The following CMSS1 variants were observed in gnomAD, a reference collection of about 807,000 sequenced individuals.
CMSS1 encodes cms1 ribosomal small subunit homolog, also known as protein CMSS1.
A neutral mutation model predicts 43.5 loss-of-function variants in CMSS1; 33 were observed. That is an observed-to-expected ratio of 0.76 (90% CI 0.57 to 1.01). The LOEUF (loss-of-function observed/expected upper bound fraction) is 1.01, where lower values mean the gene tolerates loss of function less well. CMSS1 is among the 50% of genes least tolerant of loss of function. The pLI, the probability that CMSS1 is intolerant of heterozygous loss-of-function variation, is 0.00. For synonymous variants in CMSS1, 115 were observed against 117.2 expected, an observed-to-expected ratio of 0.98 and a Z score of 0.12; for missense variants, 313 against 326.4, an observed-to-expected ratio of 0.96 and a Z score of 0.32.
At chr3:100,153,365 A>G (rs2066939137) in intron 2 of CMSS1, among the ~76,000 whole-genome samples, 1 of 152,222 alleles carries the variant, frequency 6.6e-6, no homozygotes, top group Non-Finnish European at 1.5e-5. Context: ...CCTCCATGTC[A>G]GTGTATAGTA....
At chr3:100,023,651 T>G (rs991466147) in intron 1 of CMSS1, 8 of 150,466 alleles carry the variant, frequency 5.3e-5, no homozygotes, top group African/African-American at 2.0e-4. Context: ...GAAGAATCTC[T>G]AATTAGGTAA....
intron 1 of CMSS1, among the ~76,000 whole-genome samples, chr3:99,832,444 A>G (rs1942706493): frequency 6.8e-6 from 1 of 147,544 alleles, no homozygotes; most frequent in African/African-American, 2.5e-5. Context: ...GTTAGCCAGG[A>G]TGATCTCGAT....
chr3:100,054,688 C>T (rs2065434693), intron 1 of CMSS1, among the ~76,000 whole-genome samples: 1 of 152,122 alleles, frequency 6.6e-6, no homozygotes, highest in Non-Finnish European at 1.5e-5. Flanking sequence ...GGGCAGATCA[C>T]TGATTTCCCT....
chr3:99,881,178 T>C lies in CMSS1; in HGVS notation c.64+63135T>C, dbSNP rs369982213. Among the ~76,000 whole-genome samples, 6 of 152,316 alleles carry C rather than the reference T, an allele frequency of 3.9e-5. No homozygotes were observed. The East Asian group carries it at 9.6e-4, about 24-fold the overall frequency. On this transcript the variant is annotated intron_variant, in intron 1 of 9. Coordinates refer to ENST00000421999, the MANE Select transcript of CMSS1 (RefSeq NM_032359.4). ...AGTTGGCTATGGACTCTAGTGAGCA[T>C]ACTAGTAGGTAAGTAGAATGACTTA... is the stretch of plus-strand genomic sequence containing the variant.
At chr3:100,132,308 C>A (rs1246309687) in intron 1 of CMSS1, among the ~76,000 whole-genome samples, 1 of 152,044 alleles carries the variant, frequency 6.6e-6, no homozygotes, top group Admixed American at 6.6e-5. Flanking sequence ...GAGGCTGAGG[C>A]AGGAGGATAA....
intron 1 of CMSS1, among the ~76,000 whole-genome samples, chr3:100,122,190 C>G (rs947563958): frequency 1.3e-5 from 2 of 152,230 alleles, no homozygotes; most frequent in African/African-American, 4.8e-5. Flanking sequence ...AGAAAGACTG[C>G]TGTTCATGCT....
intron 2 of CMSS1, among the ~76,000 whole-genome samples, chr3:100,149,705 G>A (rs1285914594): frequency 6.6e-6 from 1 of 152,138 alleles, no homozygotes. Flanking sequence ...ATCCCCAGGA[G>A]ACTCACCTCG....
At chr3:100,074,279 C>T (rs2065811326) in intron 1 of CMSS1, among the ~76,000 whole-genome samples, 1 of 152,188 alleles carries the variant, frequency 6.6e-6, no homozygotes, top group Non-Finnish European at 1.5e-5. Context: ...CCCAGGCCAG[C>T]TCCAAAATGC....
chr3:99,843,333 G>A (rs895580526), intron 1 of CMSS1, among the ~76,000 whole-genome samples: 2 of 152,128 alleles, frequency 1.3e-5, no homozygotes, highest in Non-Finnish European at 2.9e-5. Flanking sequence ...TTATAAAACC[G>A]GGAATCTTCC....
chr3:100,167,923 G>A, intron 6 of CMSS1, 83 bp downstream of exon 6: 2 of 904,608 alleles, frequency 2.2e-6, no homozygotes, highest in Non-Finnish European at 1.7e-6. Flanking sequence ...ATGTGCTGGA[G>A]ATGTAGCAAT....
chr3:99,997,707 T>G (rs2107153351), intron 1 of CMSS1, among the ~76,000 whole-genome samples: 1 of 152,298 alleles, frequency 6.6e-6, no homozygotes, highest in Middle Eastern at 3.4e-3. Flanking sequence ...AGCAGATTTA[T>G]TAGTAGTTTA....
chr3:100,172,242 A>C, intron 7 of CMSS1, 74 bp from the exon 8 acceptor site: 1 of 1,311,572 alleles, frequency 7.6e-7, no homozygotes. Context: ...TTTGAGATAA[A>C]ATGTTCTAAA....
intron 1 of CMSS1, among the ~76,000 whole-genome samples, chr3:99,906,904 G>A (rs1706635511): frequency 6.6e-6 from 1 of 152,216 alleles, no homozygotes; most frequent in East Asian, 1.9e-4. Flanking sequence ...ATATGGTAGA[G>A]TTTCAGTATT....
rs898757892 is a variant in CMSS1 at position 100,092,419 on chromosome 3, G to A, written c.65-54554G>A. ...TAATAAGATTTGTTTTGAGTGAGAA[G>A]TTTGGCTTTTTTTTAACATGGAAAA... On this transcript the variant is annotated intron_variant, in intron 1 of 9. Transcript: ENST00000421999. Among the ~76,000 whole-genome samples the A allele has an allele frequency of 3.9e-5, 6 of 152,046 alleles. No individual in the cohort carries two copies. In the East Asian group the frequency reaches 1.2e-3, roughly 29 times the overall value.
At chr3:99,921,319 T>G (rs1361877622) in intron 1 of CMSS1, among the ~76,000 whole-genome samples, 1 of 152,174 alleles carries the variant, frequency 6.6e-6, no homozygotes, top group Non-Finnish European at 1.5e-5. Context: ...ACTTCCTGTT[T>G]CGTTAGATGG....
chr3:100,179,245 A>G lies in CMSS1; in HGVS notation c.*857A>G, dbSNP rs1360484234. The G allele has an allele frequency of 6.6e-6, 1 of 152,206 alleles. No individual in the cohort carries two copies. Among genetic ancestry groups the G allele is most frequent in the Non-Finnish European group, 1.5e-5 (1 of 68,048 alleles). 9.4% of individuals were successfully genotyped at this position (152,206 alleles called of 1,614,324 possible). On this transcript the variant is annotated 3_prime_UTR_variant, in exon 10 of 10. Transcript: ENST00000421999. ...GTCAATTCCACCCCGGCCTCTTCCA[A>G]ATTTCATGTTCTTCTCACATTTCAA... is the stretch of plus-strand genomic sequence containing the variant.
intron 1 of CMSS1, among the ~76,000 whole-genome samples, chr3:99,958,203 C>CACTATT: frequency 7.5e-6 from 1 of 132,708 alleles, no homozygotes; most frequent in African/African-American, 2.8e-5. Flanking sequence ...GCCCTGCATG[C>CACTATT]ATTATTATTA....
At chr3:99,918,545 A>G (rs758961254) in intron 1 of CMSS1, among the ~76,000 whole-genome samples, 2 of 152,244 alleles carry the variant, frequency 1.3e-5, no homozygotes, top group Non-Finnish European at 2.9e-5. Flanking sequence ...AAAAGCAATC[A>G]GGTAGCATTG....
At chr3:100,027,216 T>A (rs542248921) in intron 1 of CMSS1, among the ~76,000 whole-genome samples, 9 of 152,256 alleles carry the variant, frequency 5.9e-5, no homozygotes, top group African/African-American at 2.2e-4. Flanking sequence ...CCATCAATTT[T>A]TTATTACCTG....
Sources: gnomAD v4.1 joint callset for allele counts (sites outside exome capture counted in the v4.1 genomes callset) on GRCh38, gnomAD v4.1.1 for gene constraint, MANE v1.5 for transcripts, NCBI Gene and HGNC (gene_info 2026-07-23, HGNC 2026-07-21) for gene names.